The following CEP63 variants were observed in gnomAD, a reference collection of about 807,000 sequenced individuals.
The protein encoded by CEP63 is centrosomal protein of 63 kDa.
In CEP63, 84 loss-of-function variants were observed where a neutral mutation model predicts 89.1. The ratio of observed to expected loss-of-function variants is 0.94; its 90% CI spans 0.79 to 1.13. CEP63 has a LOEUF of 1.13. Among genes scored for constraint, CEP63 ranks in the 50% most tolerant of loss-of-function variants. CEP63 has a pLI of 0.00. For missense variants in CEP63, 838 were observed against 813.3 expected, an observed-to-expected ratio of 1.03 and a Z score of -0.37; for synonymous variants, 267 against 272.5, an observed-to-expected ratio of 0.98 and a Z score of 0.20.
chr3:134,530,075 G>A (rs1386618122), intron 3 of CEP63, among the ~76,000 whole-genome samples: 1 of 151,764 alleles, frequency 6.6e-6, no homozygotes, highest in Non-Finnish European at 1.5e-5. Flanking sequence ...GGGTTTCACC[G>A]TGTGAGCCAG....
the CEP63 span, among the ~76,000 whole-genome samples, chr3:134,666,057 C>G: frequency 6.6e-6 from 1 of 152,034 alleles, no homozygotes; most frequent in Non-Finnish European, 1.5e-5. Context: ...GAGAGAGAGA[C>G]AGAGAGACAA....
the CEP63 span, among the ~76,000 whole-genome samples, chr3:134,605,670 C>A: frequency 6.6e-6 from 1 of 152,050 alleles, no homozygotes; most frequent in African/African-American, 2.4e-5. Flanking sequence ...CCCACACATC[C>A]CCCCACTGCC....
At chr3:134,613,511 C>A in the CEP63 span, among the ~76,000 whole-genome samples, 1 of 152,196 alleles carries the variant, frequency 6.6e-6, no homozygotes, top group Non-Finnish European at 1.5e-5. Context: ...CCTCCCAGGT[C>A]TGGTGGTCAC....
chr3:134,648,768 G>C, the CEP63 span, among the ~76,000 whole-genome samples: 1 of 152,128 alleles, frequency 6.6e-6, no homozygotes, highest in Admixed American at 6.5e-5. Context: ...AGGGCCACTC[G>C]TTACGGATTA....
the CEP63 span, among the ~76,000 whole-genome samples, chr3:134,616,253 G>A: frequency 2.0e-5 from 3 of 152,218 alleles, no homozygotes; most frequent in Non-Finnish European, 4.4e-5. Flanking sequence ...ACTTGGGACA[G>A]ACAGAAGGAA....
In CEP63 at chr3:134,562,700, C is replaced by G. The variant is rs1407127745; in HGVS notation, c.*1165C>G. 1 of 152,478 alleles carries G rather than the reference C, an allele frequency of 6.6e-6. No homozygotes were observed. Among genetic ancestry groups the G allele is most frequent in the Non-Finnish European group, 1.5e-5 (1 of 68,204 alleles). The allele number at this position is 152,478 out of a possible 1,614,324, so 9.4% of individuals were successfully genotyped here. A position where few individuals can be genotyped will look rare whatever the true frequency, so the allele number is the denominator to read the frequency against. ...CTCCAACACCACTTCCATCCCCAGA[C>G]TGCTTTCTTGCTCTTGAGTTCACCA... On this transcript the variant is annotated 3_prime_UTR_variant, in exon 15 of 15. Coordinates refer to ENST00000675561, the MANE Select transcript of CEP63 (RefSeq NM_001353108.3).
intron 3 of CEP63, among the ~76,000 whole-genome samples, chr3:134,508,434 A>G (rs1576878430): frequency 1.3e-5 from 2 of 152,242 alleles, no homozygotes; most frequent in East Asian, 3.8e-4. Context: ...TAAAAATCAT[A>G]ATTTAGGCAG....
intron 1 of CEP63, among the ~76,000 whole-genome samples, chr3:134,494,306 G>C (rs1938938251): frequency 6.6e-6 from 1 of 151,570 alleles, no homozygotes; most frequent in Non-Finnish European, 1.5e-5. Flanking sequence ...GGTAGAGGCG[G>C]AGTTTTACCA....
At chr3:134,734,737 A>G in the CEP63 span, among the ~76,000 whole-genome samples, 2 of 152,208 alleles carry the variant, frequency 1.3e-5, no homozygotes, top group African/African-American at 4.8e-5. Context: ...TTTATGTTCT[A>G]TAAAGTTGCC....
intron 3 of CEP63, among the ~76,000 whole-genome samples, chr3:134,521,232 A>T (rs888563315): frequency 1.3e-5 from 2 of 152,192 alleles, no homozygotes; most frequent in Non-Finnish European, 2.9e-5. Flanking sequence ...CCCTAAACAT[A>T]CACCAGAAAG....
At chr3:134,762,252 A>G in the CEP63 span, among the ~76,000 whole-genome samples, 4 of 152,198 alleles carry the variant, frequency 2.6e-5, no homozygotes, top group Non-Finnish European at 5.9e-5. Flanking sequence ...CTAGTGGGCC[A>G]CCCTGGAATG....
chr3:134,651,299 T>G, the CEP63 span: 2 of 1,183,490 alleles, frequency 1.7e-6, no homozygotes, highest in Non-Finnish European at 2.1e-6. Flanking sequence ...CCCGGTGCAC[T>G]TGAAGCGCTG....
the CEP63 span, among the ~76,000 whole-genome samples, chr3:134,648,477 C>G: frequency 6.6e-6 from 1 of 152,116 alleles, no homozygotes; most frequent in African/African-American, 2.4e-5. Flanking sequence ...TGGGTCTTGC[C>G]CCAGGCAGCT....
chr3:134,665,540 C>T, the CEP63 span, among the ~76,000 whole-genome samples: 25 of 152,150 alleles, frequency 1.6e-4, no homozygotes, highest in African/African-American at 5.5e-4. Context: ...GAGGGGCCTC[C>T]GTGATGAAAA....
At chr3:134,684,974 A>G in the CEP63 span, among the ~76,000 whole-genome samples, 1 of 152,124 alleles carries the variant, frequency 6.6e-6, no homozygotes, top group Non-Finnish European at 1.5e-5. Flanking sequence ...CTAGGGTCAC[A>G]TGGCCTGATT....
chr3:134,555,039 A>G (rs897716017), intron 12 of CEP63, among the ~76,000 whole-genome samples: 8 of 152,198 alleles, frequency 5.3e-5, no homozygotes, highest in Non-Finnish European at 1.0e-4. Flanking sequence ...TTATCTCAAT[A>G]GATGCAGAAA....
At chr3:134,742,450 C>A in the CEP63 span, among the ~76,000 whole-genome samples, 2 of 152,164 alleles carry the variant, frequency 1.3e-5, no homozygotes, top group South Asian at 4.2e-4. Context: ...GTCTCCTTTG[C>A]TGGATAGCAG....
the CEP63 span, chr3:134,604,211 C>T: frequency 5.5e-5 from 88 of 1,612,684 alleles, no homozygotes; most frequent in Middle Eastern, 1.7e-4. Flanking sequence ...CTGGGGCCCA[C>T]GGGCTGGTGA....
the CEP63 span, among the ~76,000 whole-genome samples, chr3:134,593,701 T>C: frequency 6.6e-6 from 1 of 152,146 alleles, no homozygotes; most frequent in African/African-American, 2.4e-5. Flanking sequence ...ACAAGACAGA[T>C]TTCAGTCTAA....
Sources: allele counts gnomAD v4.1 joint callset (sites outside exome capture counted in the v4.1 genomes callset), GRCh38; gene constraint gnomAD v4.1.1; transcripts MANE v1.5; gene names NCBI Gene and HGNC (gene_info 2026-07-23, HGNC 2026-07-21).